Variants in GALNT18 observed in about 807,000 individuals in gnomAD.
The protein encoded by GALNT18 is GalNAc-transferase 18.
Under a neutral mutation model 69.5 loss-of-function variants are expected in GALNT18, and 44 were observed. That is an observed-to-expected ratio of 0.63 (90% CI 0.50 to 0.81). The LOEUF (loss-of-function observed/expected upper bound fraction) is 0.81, where lower values mean the gene tolerates loss of function less well. GALNT18 is among the 40% of genes least tolerant of loss of function. The pLI is 0.00. For missense variants in GALNT18, 715 were observed against 810.0 expected (o/e 0.88, Z 1.42); for synonymous variants, 364 against 318.2 (o/e 1.14, Z -1.53).
chr11:11,427,489 C>A (rs1008489325), intron 3 of GALNT18, among the ~76,000 whole-genome samples: 1 of 152,196 alleles, frequency 6.6e-6, no homozygotes, highest in Non-Finnish European at 1.5e-5. Context: ...GACATTCCGA[C>A]GGCTCTGCTC....
At position 11,315,995 on chromosome 11, in the gene GALNT18, C is replaced by T. The variant is rs537698589; in HGVS notation, c.1512+11091G>A. Among the ~76,000 whole-genome samples the T allele has an allele frequency of 1.3e-5, 2 of 152,114 alleles. No individual in the cohort carries two copies. The highest frequency in any genetic ancestry group is 6.5e-5 in the Admixed American group (1 of 15,270). On this transcript the variant is annotated intron_variant, in intron 9 of 10. Transcript: ENST00000227756. The surrounding 1 kb of genome is among the most constrained non-coding windows in gnomAD (Gnocchi z 5.6). ...TGACATGAATGGTGGCCCCTGGAAC[C>T]GTGCGAGGTGACAGCTCAGAGGACA...
At position 11,584,548 on chromosome 11, in the gene GALNT18, T is replaced by C. The variant is rs57250050; in HGVS notation, c.235+36811A>G. On this transcript the variant is annotated intron_variant, in intron 1 of 10. Transcript: ENST00000227756. The surrounding 1 kb of genome is among the most constrained non-coding windows in gnomAD (Gnocchi z 4.1). ...ACACGTAAGGACCGAGAGGCGAGTC[T>C]TCAGTGAAACACCCACAGAGAGCCG... Among the ~76,000 whole-genome samples, 20,823 of 152,104 alleles carry C rather than the reference T, an allele frequency of 0.14. 1,475 individuals carry two copies. Among genetic ancestry groups the C allele is most frequent in the Admixed American group, 0.18 (2,771 of 15,270 alleles).
At chr11:11,385,530 T>C (rs552858443) in intron 3 of GALNT18, among the ~76,000 whole-genome samples, 14 of 152,100 alleles carry the variant, frequency 9.2e-5, no homozygotes, top group Admixed American at 2.6e-4. Flanking sequence ...CTCCTGACCT[T>C]GTGATCTGCC....
rs1554918735 is a variant in GALNT18 at position 11,340,291 on chromosome 11, T to TGTCTGAAAACTGCCCAGAATAACTC, written c.1278+527_1278+528insGAGTTATTCTGGGCAGTTTTCAGAC. Reference sequence around the variant, plus strand: ...ATGATGAGGCTCTGTGAAGGTTAACTCCATCTCCTAGTGAAGGTCCCTGTA... The same window carrying TGTCTGAAAACTGCCCAGAATAACTC: ...ATGATGAGGCTCTGTGAAGGTTAACTGTCTGAAAACTGCCCAGAATAACTCCCATCTCCTAGTGAAGGTCCCTGTA... On this transcript the variant is annotated intron_variant, in intron 7 of 10. Transcript: ENST00000227756. The surrounding 1 kb of genome is among the most constrained non-coding windows in gnomAD (Gnocchi z 4.2). Among the ~76,000 whole-genome samples, 1 of 151,792 alleles carries TGTCTGAAAACTGCCCAGAATAACTC rather than the reference T, an allele frequency of 6.6e-6. No individual in the cohort carries two copies. Among genetic ancestry groups the TGTCTGAAAACTGCCCAGAATAACTC allele is most frequent in the East Asian group, 1.9e-4 (1 of 5,160 alleles).
chr11:11,481,448 C>T (rs1856528525), intron 1 of GALNT18, among the ~76,000 whole-genome samples: 1 of 152,226 alleles, frequency 6.6e-6, no homozygotes, highest in African/African-American at 2.4e-5. Flanking sequence ...GTGCTTTATG[C>T]AGCCAGCATG....
intron 2 of GALNT18, among the ~76,000 whole-genome samples, chr11:11,433,354 C>T (rs1855319509): frequency 6.6e-6 from 1 of 152,210 alleles, no homozygotes; most frequent in Non-Finnish European, 1.5e-5. Context: ...TAGAAACAGT[C>T]TCAACATGAG....
intron 10 of GALNT18, among the ~76,000 whole-genome samples, chr11:11,284,915 T>TTTTG (rs1849162978): frequency 7.0e-6 from 1 of 142,118 alleles, no homozygotes; most frequent in Non-Finnish European, 1.5e-5. Context: ...CGTGTTTTTT[T>TTTTG]TTTTTTTTTT....
chr11:11,391,376 T>A (rs1191380504), intron 3 of GALNT18, among the ~76,000 whole-genome samples: 1 of 152,208 alleles, frequency 6.6e-6, no homozygotes, highest in Non-Finnish European at 1.5e-5. Context: ...AACTGAGGCA[T>A]GGTTAAATAA....
intron 3 of GALNT18, among the ~76,000 whole-genome samples, chr11:11,403,745 T>A (rs907384319): frequency 3.3e-5 from 5 of 152,162 alleles, no homozygotes; most frequent in African/African-American, 7.2e-5. Context: ...CACCCTCAAC[T>A]GTGCTGTGAA....
intron 1 of GALNT18, among the ~76,000 whole-genome samples, chr11:11,566,979 C>T (rs1478862945): frequency 1.3e-5 from 2 of 152,174 alleles, no homozygotes; most frequent in African/African-American, 4.8e-5. Flanking sequence ...CTGGATCCTG[C>T]TTAGGCCTCT....
In GALNT18 at chr11:11,430,506, T is replaced by C. The variant is rs1855241394; in HGVS notation, c.595+2115A>G. Among the ~76,000 whole-genome samples, 1 of 152,248 alleles carries C rather than the reference T, an allele frequency of 6.6e-6. No homozygotes were observed. Among genetic ancestry groups the C allele is most frequent in the Non-Finnish European group, 1.5e-5 (1 of 68,046 alleles). ...CAACACCACAATCAAGATACTTTAC[T>C]GAACCATCACCACAATGCTCTAGAG... On this transcript the variant is annotated intron_variant, in intron 3 of 10. Transcript: ENST00000227756. The surrounding 1 kb of genome is among the most constrained non-coding windows in gnomAD (Gnocchi z 4.9).
intron 1 of GALNT18, among the ~76,000 whole-genome samples, chr11:11,550,687 C>T (rs1273352853): frequency 6.6e-6 from 1 of 152,228 alleles, no homozygotes; most frequent in Non-Finnish European, 1.5e-5. Context: ...CATTATCCAA[C>T]AGAACTTTCC....
Position 11,435,967 on chromosome 11 carries a change from G to A in GALNT18, c.429-3180C>T, listed in dbSNP as rs1855390958. 6.6e-6 allele frequency among the ~76,000 whole-genome samples: 1 copy of A among 152,318 alleles called. No homozygotes were observed. The highest frequency in any genetic ancestry group is 1.9e-4 in the East Asian group (1 of 5,178). On this transcript the variant is annotated intron_variant, in intron 2 of 10. Transcript: ENST00000227756. The surrounding 1 kb of genome is among the most constrained non-coding windows in gnomAD (Gnocchi z 4.4). ...TTTTCTCTTCTCTCCTGGGACTGCT[G>A]GGGCCTCCTGGCGACAGCCATGCTG...
chr11:11,272,938 C>T (rs1472395851), intron 10 of GALNT18, among the ~76,000 whole-genome samples: 2 of 152,194 alleles, frequency 1.3e-5, no homozygotes, highest in East Asian at 1.9e-4. Flanking sequence ...TGGTTCTCTA[C>T]ACAATGGGGA....
At chr11:11,512,505 A>C (rs1857185322) in intron 1 of GALNT18, among the ~76,000 whole-genome samples, 1 of 152,236 alleles carries the variant, frequency 6.6e-6, no homozygotes, top group African/African-American at 2.4e-5. Context: ...AAGATGTGAA[A>C]GGGGGTCTGA....
At chr11:11,277,610 C>T (rs188090131) in intron 10 of GALNT18, among the ~76,000 whole-genome samples, 1 of 152,192 alleles carries the variant, frequency 6.6e-6, no homozygotes, top group South Asian at 2.1e-4. Context: ...AATTTTAGAT[C>T]TTTCCTGCTT....
chr11:11,299,284 A>T (rs1849452540), intron 9 of GALNT18, among the ~76,000 whole-genome samples: 1 of 152,160 alleles, frequency 6.6e-6, no homozygotes, highest in African/African-American at 2.4e-5. Flanking sequence ...GGCTGGGATT[A>T]CAGGCGTATA....
chr11:11,327,900 G>A (rs1056760677), intron 8 of GALNT18, among the ~76,000 whole-genome samples: 4 of 152,302 alleles, frequency 2.6e-5, no homozygotes, highest in South Asian at 2.1e-4. Flanking sequence ...GGCCACAACT[G>A]AGTGGACCAT....
intron 9 of GALNT18, among the ~76,000 whole-genome samples, chr11:11,306,280 A>G (rs556640809): frequency 1.2e-4 from 19 of 152,306 alleles, no homozygotes; most frequent in African/African-American, 4.1e-4. Flanking sequence ...CACAGATAAC[A>G]TATGGTCAAT....
Sources: allele counts gnomAD v4.1 joint callset (sites outside exome capture counted in the v4.1 genomes callset), GRCh38; gene constraint gnomAD v4.1.1; non-coding constraint Gnocchi (gnomAD v3.1); transcripts MANE v1.5; gene names NCBI Gene and HGNC (gene_info 2026-07-23, HGNC 2026-07-21).